SLC25A48: variants seen among roughly 807,000 people sequenced by gnomAD.
The protein encoded by SLC25A48 is solute carrier family 25 member 48.
A neutral mutation model predicts 32.2 loss-of-function variants in SLC25A48; 29 were observed. The ratio of observed to expected loss-of-function variants is 0.90; its 90% CI spans 0.67 to 1.23. The LOEUF is 1.23. Ranked by LOEUF, SLC25A48 falls within the 50% of genes most tolerant of loss-of-function variation. SLC25A48 has a pLI of 0.00. For synonymous variants in SLC25A48, 164 were observed against 172.3 expected (o/e 0.95, Z 0.38); for missense variants, 399 against 422.7 (o/e 0.94, Z 0.49).
intron 1 of SLC25A48, among the ~76,000 whole-genome samples, chr5:135,622,879 G>T (rs1752358981): frequency 1.3e-5 from 2 of 152,204 alleles, no homozygotes; most frequent in Admixed American, 1.3e-4. Context: ...GGATTTAATA[G>T]ATCAGTGAAG....
intron 1 of SLC25A48, among the ~76,000 whole-genome samples, chr5:135,599,268 A>G (rs550428236): frequency 6.6e-6 from 1 of 151,974 alleles, no homozygotes; most frequent in Non-Finnish European, 1.5e-5. Context: ...TCTCACCCAG[A>G]TGGTCATGCT....
chr5:135,739,788 T>C (rs1561470499), intron 3 of SLC25A48, among the ~76,000 whole-genome samples: 1 of 152,188 alleles, frequency 6.6e-6, no homozygotes, highest in East Asian at 1.9e-4. Flanking sequence ...TTCTTTTTTT[T>C]TTTAAACTAC....
At chr5:135,669,532 G>T (rs868805034) in intron 3 of SLC25A48, among the ~76,000 whole-genome samples, 4 of 152,334 alleles carry the variant, frequency 2.6e-5, no homozygotes, top group Middle Eastern at 3.4e-3. Context: ...GGAGCTCAGT[G>T]TGACAACATA....
At chr5:135,723,415 A>G (rs1018204943) in intron 3 of SLC25A48, among the ~76,000 whole-genome samples, 3 of 62,186 alleles carry the variant, frequency 4.8e-5, no homozygotes, top group Middle Eastern at 8.6e-3. Flanking sequence ...CACACACACA[A>G]TGGGGAGGGG....
intron 3 of SLC25A48, among the ~76,000 whole-genome samples, chr5:135,637,364 C>T (rs933199556): frequency 1.3e-5 from 2 of 152,096 alleles, no homozygotes; most frequent in East Asian, 1.9e-4. Context: ...TTCTTCCCCC[C>T]GACCCCCATG....
At chr5:135,695,552 G>A (rs529984830) in intron 3 of SLC25A48, among the ~76,000 whole-genome samples, 33 of 152,206 alleles carry the variant, frequency 2.2e-4, no homozygotes, top group African/African-American at 7.7e-4. Flanking sequence ...TGCATGCACA[G>A]GCCTCGGTGG....
rs148913528 is a variant in SLC25A48 at position 135,837,411 on chromosome 5, A to G, written c.46+2518A>G. On this transcript the variant is annotated intron_variant, in intron 1 of 7. Coordinates refer to ENST00000681962, the MANE Select transcript of SLC25A48 (RefSeq NM_001349336.2). The stretch of plus-strand genomic sequence containing the variant: ...GCTACCTGGTTAAATCACCTCTACT[A>G]ACACAGATATTTCCTTCCTCCTCAG... Among the ~76,000 whole-genome samples, 14 of 152,272 alleles carry G rather than the reference A, an allele frequency of 9.2e-5. No homozygotes were observed. The East Asian group carries it at 2.5e-3, about 27-fold the overall frequency.
chr5:135,738,749 A>T (rs907883963), intron 3 of SLC25A48, among the ~76,000 whole-genome samples: 1 of 152,192 alleles, frequency 6.6e-6, no homozygotes, highest in African/African-American at 2.4e-5. Context: ...CTGACTTTGT[A>T]ATGATAGTTT....
chr5:135,716,776 A>G (rs2126979161), intron 3 of SLC25A48, among the ~76,000 whole-genome samples: 1 of 152,290 alleles, frequency 6.6e-6, no homozygotes, highest in East Asian at 1.9e-4. Flanking sequence ...GGGTTGTGGA[A>G]AGCTCTGGAC....
intron 1 of SLC25A48, among the ~76,000 whole-genome samples, chr5:135,600,007 TC>T (rs1193807536): frequency 1.3e-5 from 2 of 152,144 alleles, no homozygotes; most frequent in East Asian, 3.8e-4. Flanking sequence ...TTCTACATAC[TC>T]CCCCCTCCCT....
chr5:135,666,657 C>CAGAGAGAGAGAG (rs70976575), intron 3 of SLC25A48, among the ~76,000 whole-genome samples: 1 of 149,966 alleles, frequency 6.7e-6, no homozygotes. Flanking sequence ...TTCAGGGCAT[C>CAGAGAGAGAGAG]AGAGAGAGAG....
chr5:135,644,384 G>C (rs1401404573), intron 3 of SLC25A48, among the ~76,000 whole-genome samples: 1 of 152,064 alleles, frequency 6.6e-6, no homozygotes, highest in Non-Finnish European at 1.5e-5. Context: ...ATGAGGGTTT[G>C]GGGCAGTAAT....
At chr5:135,799,025 T>C (rs1341946225) in intron 3 of SLC25A48, among the ~76,000 whole-genome samples, 1 of 151,522 alleles carries the variant, frequency 6.6e-6, no homozygotes, top group Non-Finnish European at 1.5e-5. Flanking sequence ...GATATCGTTT[T>C]TAATATCCAA....
rs188192126 is a variant in SLC25A48 at position 135,657,217 on chromosome 5, T to C, written c.-521+22261T>C. Among the ~76,000 whole-genome samples the C allele has an allele frequency of 3.9e-5, 6 of 152,192 alleles. No individual in the cohort carries two copies. In the South Asian group the frequency reaches 6.2e-4, roughly 16 times the overall value. On this transcript the variant is annotated intron_variant, in intron 3 of 10. Transcript: ENST00000646290. ...TTCAGTTCCAAGCAGAACTAAATCA[T>C]ACATAGCAGGAGACCAGGGCCAGAT...
At chr5:135,835,486 T>A (rs1267206130) in intron 1 of SLC25A48, among the ~76,000 whole-genome samples, 1 of 152,004 alleles carries the variant, frequency 6.6e-6, no homozygotes, top group Non-Finnish European at 1.5e-5. Flanking sequence ...CAAGGCCCCT[T>A]CTCCGGGCAC....
chr5:135,699,336 C>T (rs988695570), intron 3 of SLC25A48, among the ~76,000 whole-genome samples: 3 of 150,526 alleles, frequency 2.0e-5, no homozygotes, highest in African/African-American at 7.4e-5. Flanking sequence ...TATTATGCAT[C>T]AAGGAGAAAG....
rs1756721578 is a variant in SLC25A48 at position 135,781,786 on chromosome 5, A to G, written c.-520-30737A>G. 8.6e-5 allele frequency among the ~76,000 whole-genome samples: 10 copies of G among 116,558 alleles called. 3 individuals carry two copies. The allele number at this position is 116,558 out of a possible 152,430, so 76.5% of individuals were successfully genotyped here. A position where few individuals can be genotyped will look rare whatever the true frequency, so the allele number is the denominator to read the frequency against. On this transcript the variant is annotated intron_variant, in intron 3 of 10. Transcript: ENST00000646290. ...CATCCATGGGAAAGAGGATGATATT[A>G]CTGTCAATATCACAGGAAGTGTACA...
chr5:135,702,773 C>T lies in SLC25A48; in HGVS notation c.-521+67817C>T, dbSNP rs980896145. Among the ~76,000 whole-genome samples, 3 of 152,292 alleles carry T rather than the reference C, an allele frequency of 2.0e-5. No homozygotes were observed. The South Asian group carries it at 6.2e-4, about 32-fold the overall frequency. On this transcript the variant is annotated intron_variant, in intron 3 of 10. Coordinates refer to the SLC25A48 transcript ENST00000646290. ...CAATATTGTTAAATCATGCATTTCC[C>T]AAACAAATTTGACCTTGGGATCCCA...
chr5:135,847,919 C>T (rs778523926), intron 2 of SLC25A48, among the ~76,000 whole-genome samples: 24 of 152,188 alleles, frequency 1.6e-4, no homozygotes, highest in African/African-American at 5.1e-4. Flanking sequence ...CAATAGGAAA[C>T]TAATATAAGT....
Sources: allele counts gnomAD v4.1 joint callset (sites outside exome capture counted in the v4.1 genomes callset), GRCh38; gene constraint gnomAD v4.1.1; transcripts MANE v1.5; gene names NCBI Gene and HGNC (gene_info 2026-07-23, HGNC 2026-07-21).